The following MATN4 variants were observed in gnomAD, a reference collection of about 807,000 sequenced individuals.
MATN4 encodes matrilin-4.
Under a neutral mutation model 54.6 loss-of-function variants are expected in MATN4, and 40 were observed. The observed-to-expected ratio is 0.73, with a 90% CI of 0.57 to 0.95. The LOEUF (loss-of-function observed/expected upper bound fraction) is 0.95, where lower values mean the gene tolerates loss of function less well. MATN4 is among the 40% of genes least tolerant of loss of function. The probability of loss-of-function intolerance (pLI) is 0.00; values close to 1 mark genes in which losing one functional copy is unlikely to be tolerated. For missense variants in MATN4, 810 were observed against 819.1 expected, an observed-to-expected ratio of 0.99 and a Z score of 0.13; for synonymous variants, 351 against 345.3, an observed-to-expected ratio of 1.02 and a Z score of -0.18.
chr20:45,306,517 C>G (rs535072115), intron 1 of MATN4, among the ~76,000 whole-genome samples: 2 of 152,394 alleles, frequency 1.3e-5, no homozygotes, highest in African/African-American at 4.8e-5. Flanking sequence ...CCAACCCCCC[C>G]AGACCCCTCC....
intron 1 of MATN4, among the ~76,000 whole-genome samples, 189 bp from the exon 2 acceptor site, chr20:45,305,805 C>CTTTTTTTTTTTTTTTTTTT (rs758735302): frequency 0.038 from 2,487 of 64,668 alleles, 904 homozygotes; most frequent in Non-Finnish European, 0.043. Flanking sequence ...ACAAGAGATT[C>CTTTTTTTTTTTTTTTTTTT]TTTTTTTTTT....
rs772372562 is a variant in MATN4 at position 45,298,384 on chromosome 20, G to C, written c.1212C>G (p.Thr404=). 5.0e-6 allele frequency: 8 copies of C among 1,612,350 alleles called. No homozygotes were observed. Among genetic ancestry groups the C allele is most frequent in the Non-Finnish European group, 5.9e-6 (7 of 1,179,152 alleles). Reference sequence around the variant, plus strand: ...GGACCGCCTGCTTCACCTCGGCTGCGGTGCCGTAGCGACCCAGAGGGAACT... The same window carrying C: ...GGACCGCCTGCTTCACCTCGGCTGCCGTGCCGTAGCGACCCAGAGGGAACT... The part of the protein sequence containing the change: ...RTEFPLGRYG[T]AAEVKQAVLA... The change falls in exon 7 of 10, where the codon ACC becomes ACG. Residue 404 remains threonine (T), a synonymous_variant. Transcript: ENST00000372756. This position sits in a 1 kb window ranked among gnomAD's most constrained non-coding sequence, Gnocchi z 4.6.
In MATN4 at chr20:45,298,638, T is replaced by C; in HGVS notation, c.1013-55A>G. 1 of 1,398,082 alleles carries C rather than the reference T, an allele frequency of 7.2e-7. No individual in the cohort carries two copies. Among genetic ancestry groups the C allele is most frequent in the Non-Finnish European group, 9.7e-7 (1 of 1,030,544 alleles). 86.6% of individuals were successfully genotyped at this position (1,398,082 alleles called of 1,614,324 possible). A position where few individuals can be genotyped will look rare whatever the true frequency, so the allele number is the denominator to read the frequency against. ...GACCAGATTCTGGACTGGCAGCAGC[T>C]GTCTATCCATCTAGTCGTTCATTCG... On this transcript the variant is annotated intron_variant, in intron 6 of 9. Transcript: ENST00000372756. The surrounding 1 kb of genome is among the most constrained non-coding windows in gnomAD (Gnocchi z 4.6).
intron 6 of MATN4, among the ~76,000 whole-genome samples, chr20:45,299,154 T>A (rs1986058288): frequency 6.6e-6 from 1 of 152,154 alleles, no homozygotes; most frequent in Non-Finnish European, 1.5e-5. Context: ...AAACCCATGC[T>A]CCTGAATGAC....
chr20:45,302,202 C>G (rs1052246342), intron 3 of MATN4, among the ~76,000 whole-genome samples: 5 of 152,006 alleles, frequency 3.3e-5, no homozygotes, highest in Non-Finnish European at 5.9e-5. Context: ...AGGTGACAAC[C>G]AGAAGATAAG....
intron 8 of MATN4, 53 bp downstream of exon 8, chr20:45,297,865 A>C (rs1985942296): frequency 1.2e-6 from 2 of 1,603,746 alleles, no homozygotes; most frequent in East Asian, 4.5e-5. Context: ...AAGGGGAGAT[A>C]TCAGAGGACG....
rs1985969189 is a variant in MATN4, at chr20:45,298,083, G to A, written c.1427-13C>T. 2.5e-6 allele frequency: 4 copies of A among 1,608,400 alleles called. No individual in the cohort carries two copies. The highest frequency in any genetic ancestry group is 3.4e-6 in the Non-Finnish European group (4 of 1,176,140). On this transcript the variant is annotated splice_polypyrimidine_tract_variant and intron_variant, in intron 7 of 9. Coordinates refer to ENST00000372756, the MANE Select transcript of MATN4 (RefSeq NM_001393530.1). The surrounding 1 kb of genome is among the most constrained non-coding windows in gnomAD (Gnocchi z 4.6). ...TACATGACGATGCCTGCAAGGCCGG[G>A]GTCTCAGAGGGTGCCCCAGGCCTCG...
chr20:45,305,678 A>C, intron 1 of MATN4, 62 bp from the exon 2 acceptor site: 1 of 737,164 alleles, frequency 1.4e-6, no homozygotes. Flanking sequence ...TCTGGGTGAT[A>C]GGCACTTGGA....
At chr20:45,303,428 G>T (rs748118855) in intron 3 of MATN4, 4 of 717,032 alleles carry the variant, frequency 5.6e-6, no homozygotes, top group African/African-American at 5.2e-5. Flanking sequence ...TTGTAGCCTG[G>T]GTTGCAGGTG....
Position 45,304,300 on chromosome 20 carries a change from C to G in MATN4, c.571G>C (p.Glu191Gln). ...AAGGACTCTACGAGGAAGACGTGCT[C>G]GTCTAGCGGGGGCGATGCCATGGCG... ...LRAMASPPLDEHVFLVESFDL... is the reference protein window; with the variant it reads ...LRAMASPPLDQHVFLVESFDL... Residue 191 changes from glutamate to glutamine, a missense_variant, in exon 3 of 10, where the codon GAG (glutamate) becomes CAG (glutamine). By Grantham distance (29) the Glu-to-Gln change is conservative. Transcript: ENST00000372756. 2 of 1,544,892 alleles carry G rather than the reference C, an allele frequency of 1.3e-6. No individual in the cohort carries two copies. Among genetic ancestry groups the G allele is most frequent in the Non-Finnish European group, 1.7e-6 (2 of 1,148,390 alleles).
chr20:45,306,090 C>A (rs1036852062), intron 1 of MATN4, among the ~76,000 whole-genome samples: 2 of 151,822 alleles, frequency 1.3e-5, no homozygotes, highest in African/African-American at 4.8e-5. Flanking sequence ...CAGGCGTGAG[C>A]CACCGCGCTC....
In MATN4 at chr20:45,304,419, TG is replaced by T. The variant is rs1191203276; in HGVS notation, c.451del (p.Gln151ArgfsTer39). On this transcript the variant is annotated frameshift_variant, in exon 3 of 10. Coordinates refer to ENST00000372756, the MANE Select transcript of MATN4 (RefSeq NM_001393530.1). LOFTEE classifies it high-confidence loss of function. The part of the protein sequence containing the change: ...VAVIVTDGRP[Q>X]DRVAEVAAQA... ...TGCCGCCACCTCGGCCACGCGGTCCTGGGGCCGCCCGTCTGTCACGATGACA... is the reference window on the plus strand; with the variant it reads ...TGCCGCCACCTCGGCCACGCGGTCCTGGGCCGCCCGTCTGTCACGATGACA... 6.5e-7 allele frequency: 1 copy of T among 1,527,828 alleles called. No individual in the cohort carries two copies. The highest frequency in any genetic ancestry group is 2.3e-5 in the East Asian group (1 of 42,962). The allele number at this position is 1,527,828 out of a possible 1,614,324, so 94.6% of individuals were successfully genotyped here. A position where few individuals can be genotyped will look rare whatever the true frequency, so the allele number is the denominator to read the frequency against.
chr20:45,301,552 A>C, intron 3 of MATN4, 109 bp from the exon 4 acceptor site: 3 of 1,174,700 alleles, frequency 2.6e-6, no homozygotes, highest in East Asian at 5.1e-5. Context: ...CCCCAACCCC[A>C]AAAATCCTGA....
At position 45,304,316 on chromosome 20, in the gene MATN4, T is replaced by C; in HGVS notation, c.555A>G (p.Ala185=). The C allele has an allele frequency of 2.0e-6, 3 of 1,528,250 alleles. No homozygotes were observed. The highest frequency in any genetic ancestry group is 2.6e-6 in the Non-Finnish European group (3 of 1,139,918). The allele number at this position is 1,528,250 out of a possible 1,614,324, so 94.7% of individuals were successfully genotyped here. Residue 185 remains alanine, a synonymous_variant, in exon 3 of 10, where the codon GCA becomes GCG. Transcript: ENST00000372756. ...AGACGTGCTCGTCTAGCGGGGGCGA[T>C]GCCATGGCGCGCAGGGAGCCCACGT... ...RADVGSLRAM[A]SPPLDEHVFL...
chr20:45,306,463 T>A (rs1986682422), intron 1 of MATN4, among the ~76,000 whole-genome samples: 1 of 152,024 alleles, frequency 6.6e-6, no homozygotes, highest in Non-Finnish European at 1.5e-5. Context: ...CTCGGCCCAC[T>A]CCCCTACGCA....
At chr20:45,297,791 C>G in intron 8 of MATN4, 127 bp downstream of exon 8, 1 of 1,224,176 alleles carries the variant, frequency 8.2e-7, no homozygotes, top group Non-Finnish European at 1.2e-6. Context: ...TTTGGAGTAG[C>G]AAAGCTCTGT....
intron 2 of MATN4, 133 bp downstream of exon 2, chr20:45,305,377 T>TG: frequency 1.7e-6 from 1 of 603,122 alleles, no homozygotes; most frequent in Non-Finnish European, 2.8e-6. Context: ...AAAGGTGAAG[T>TG]GGGGAACTTA....
rs2233093 is a variant in MATN4, at chr20:45,304,556, C to T, written c.315G>A (p.Val105=). 346,462 of 1,596,100 alleles carry T rather than the reference C, an allele frequency of 0.22. 39,381 individuals are homozygous for T. Among genetic ancestry groups the T allele is most frequent in the African/African-American group, 0.29 (21,298 of 74,696 alleles). The change falls in exon 3 of 10, where the codon GTG becomes GTA. Residue 105 remains valine (V), a synonymous_variant. Transcript: ENST00000372756. Reference sequence around the variant, plus strand: ...CCGTCATGGTGCCTTGCGCCAGAGGCACCAGGTCGCGGATGGCGCGCTCCA... The same window carrying T: ...CCGTCATGGTGCCTTGCGCCAGAGGTACCAGGTCGCGGATGGCGCGCTCCA... ...EDMERAIRDL[V]PLAQGTMTGL...
chr20:45,297,980 TAGGACACGTGCAGTTCCGCTGGCTCCG>T lies in MATN4; in HGVS notation c.1490_1516del (p.Ser497_Ser505del). 1 of 1,614,156 alleles carries T rather than the reference TAGGACACGTGCAGTTCCGCTGGCTCCG, an allele frequency of 6.2e-7. No homozygotes were observed. Among genetic ancestry groups the T allele is most frequent in the East Asian group, 2.2e-5 (1 of 44,868 alleles). On this transcript the variant is annotated inframe_deletion, in exon 8 of 10. Coordinates refer to ENST00000372756, the MANE Select transcript of MATN4 (RefSeq NM_001393530.1). ...CGTCATGGTGCCGAAGTCCGGGGCA[TAGGACACGTGCAGTTCCGCTGGCTCCG>T]AGGCGATCTCGCGCAGCTCCGCCTC...
Sources: gnomAD v4.1 joint callset for allele counts (sites outside exome capture counted in the v4.1 genomes callset) on GRCh38, gnomAD v4.1.1 for gene constraint, Gnocchi (gnomAD v3.1) non-coding constraint, MANE v1.5 for transcripts, NCBI Gene and HGNC (gene_info 2026-07-23, HGNC 2026-07-21) for gene names.